EBF1: variants seen among roughly 807,000 people sequenced by gnomAD.
The protein encoded by EBF1 is EBF transcription factor 1, also known as transcription factor COE1.
A neutral mutation model predicts 68.4 loss-of-function variants in EBF1; 10 were observed. The observed-to-expected ratio is 0.15, with a 90% CI of 0.09 to 0.25. The LOEUF is 0.25. EBF1 is among the 10% of genes least tolerant of loss of function. The probability of loss-of-function intolerance (pLI) is 1.00; values close to 1 mark genes in which losing one functional copy is unlikely to be tolerated. For synonymous variants in EBF1, 298 were observed against 299.8 expected (o/e 0.99, Z 0.06); for missense variants, 509 against 794.4 (o/e 0.64, Z 4.32).
Position 158,947,236 on chromosome 5 carries a change from GA to G in EBF1, c.555-107127del, listed in dbSNP as rs1412999746. The stretch of plus-strand genomic sequence containing the variant: ...GCATTCCAGGCGCCACCAGGGTATG[GA>G]AAAAAAAAAAACTCCTGCAGCTAGC... On this transcript the variant is annotated intron_variant, in intron 6 of 15. Transcript: ENST00000313708. Among the ~76,000 whole-genome samples, 141 of 144,284 alleles carry G rather than the reference GA, an allele frequency of 9.8e-4. 1 individual carries two copies. Among genetic ancestry groups the G allele is most frequent in the African/African-American group, 2.8e-3 (112 of 39,652 alleles). The allele number at this position is 144,284 out of a possible 152,430, so 94.7% of individuals were successfully genotyped here. A position where few individuals can be genotyped will look rare whatever the true frequency, so the allele number is the denominator to read the frequency against.
intron 6 of EBF1, among the ~76,000 whole-genome samples, chr5:158,884,361 T>C (rs1799574997): frequency 6.6e-6 from 1 of 152,130 alleles, no homozygotes; most frequent in Non-Finnish European, 1.5e-5. Flanking sequence ...GAAATATGAA[T>C]CTAGGGAGTT....
intron 10 of EBF1, among the ~76,000 whole-genome samples, chr5:158,751,316 A>T (rs1768842876): frequency 6.6e-6 from 1 of 152,022 alleles, no homozygotes; most frequent in African/African-American, 2.4e-5. Flanking sequence ...GAATGAATGG[A>T]AGGTAGGACA....
chr5:158,715,740 C>T lies in EBF1; in HGVS notation c.1126-1558G>A, dbSNP rs1338031220. ...TTGCTGTAGTAGTGTCTGACCACAG[C>T]AGTTAATAATTTACTATTGTACGGG... On this transcript the variant is annotated intron_variant, in intron 11 of 15. Coordinates refer to ENST00000313708, the MANE Select transcript of EBF1 (RefSeq NM_024007.5). Among the ~76,000 whole-genome samples the T allele has an allele frequency of 2.0e-5, 3 of 152,188 alleles. No homozygotes were observed. In the East Asian group the frequency reaches 5.8e-4, roughly 29 times the overall value.
At chr5:158,785,349 T>C (rs542920154) in intron 9 of EBF1, among the ~76,000 whole-genome samples, 81 of 152,174 alleles carry the variant, frequency 5.3e-4, no homozygotes, top group Non-Finnish European at 8.5e-4. Context: ...AGCTGAAATA[T>C]GAAAAGTATA....
At chr5:158,987,573 A>T (rs1759346851) in intron 6 of EBF1, among the ~76,000 whole-genome samples, 1 of 152,280 alleles carries the variant, frequency 6.6e-6, no homozygotes, top group Non-Finnish European at 1.5e-5. Flanking sequence ...GGATGTCCAA[A>T]TTCACACAGA....
chr5:158,988,976 C>T (rs1351344751), intron 6 of EBF1, among the ~76,000 whole-genome samples: 1 of 152,206 alleles, frequency 6.6e-6, no homozygotes, highest in African/African-American at 2.4e-5. Context: ...CCTTTGGCAG[C>T]CACTGGTCTT....
chr5:158,974,260 A>C (rs961211169), intron 6 of EBF1, among the ~76,000 whole-genome samples: 5 of 152,180 alleles, frequency 3.3e-5, no homozygotes, highest in African/African-American at 1.2e-4. Flanking sequence ...CTTTTTAAAA[A>C]CTTCAGGCTT....
At chr5:158,765,910 G>A (rs143382290) in intron 10 of EBF1, among the ~76,000 whole-genome samples, 77 of 152,286 alleles carry the variant, frequency 5.1e-4, no homozygotes, top group Non-Finnish European at 9.0e-4. Context: ...TGAGGACCCA[G>A]CAACGGGAAA....
At chr5:158,724,688 C>A (rs1762629733) in intron 11 of EBF1, among the ~76,000 whole-genome samples, 1 of 152,140 alleles carries the variant, frequency 6.6e-6, no homozygotes, top group Admixed American at 6.5e-5. Flanking sequence ...GTGCCTGTGA[C>A]TGGAGTCTGA....
At position 158,746,088 on chromosome 5, in the gene EBF1, G is replaced by C. The variant is rs369489188; in HGVS notation, c.1037-14931C>G. Among the ~76,000 whole-genome samples the C allele has an allele frequency of 1.2e-3, 188 of 152,298 alleles. 1 individual carries two copies. The highest frequency in any genetic ancestry group is 4.3e-3 in the African/African-American group (179 of 41,570). On this transcript the variant is annotated intron_variant, in intron 10 of 15. Coordinates refer to ENST00000313708, the MANE Select transcript of EBF1 (RefSeq NM_024007.5). ...TTGGGTTATTTCCAGCTTGGGGGAA[G>C]ACTCGTGGTTAATATTTCTGTTTAG...
At chr5:158,977,628 T>G (rs1188806798) in intron 6 of EBF1, among the ~76,000 whole-genome samples, 4 of 152,224 alleles carry the variant, frequency 2.6e-5, no homozygotes, top group African/African-American at 9.6e-5. Context: ...TACCATGGGA[T>G]ATGCACTATT....
chr5:158,869,362 G>C (rs1211758011), intron 6 of EBF1, among the ~76,000 whole-genome samples: 1 of 152,106 alleles, frequency 6.6e-6, no homozygotes, highest in Admixed American at 6.5e-5. Flanking sequence ...GATACCCTGA[G>C]AGAATACACC....
chr5:158,784,329 T>A (rs1278797433), intron 9 of EBF1, among the ~76,000 whole-genome samples: 2 of 152,204 alleles, frequency 1.3e-5, no homozygotes, highest in African/African-American at 4.8e-5. Flanking sequence ...TGACTGTTCA[T>A]TGTTTTTCCA....
chr5:159,059,267 C>T (rs1775353507), intron 6 of EBF1, among the ~76,000 whole-genome samples: 1 of 151,910 alleles, frequency 6.6e-6, no homozygotes, highest in Admixed American at 6.6e-5. Flanking sequence ...CAGGATAGAT[C>T]AAGGAATTGG....
chr5:158,927,972 C>T (rs1299763313), intron 6 of EBF1, among the ~76,000 whole-genome samples: 8 of 152,298 alleles, frequency 5.3e-5, no homozygotes, highest in South Asian at 2.1e-4. Flanking sequence ...GGCAGCCTGC[C>T]TAAAACCTAT....
At chr5:158,794,635 A>G (rs1041992956) in intron 9 of EBF1, among the ~76,000 whole-genome samples, 3 of 152,182 alleles carry the variant, frequency 2.0e-5, no homozygotes, top group African/African-American at 4.8e-5. Context: ...TTTGACTACA[A>G]TGACATGAAA....
intron 6 of EBF1, among the ~76,000 whole-genome samples, chr5:158,948,460 A>G (rs1047482751): frequency 2.0e-5 from 3 of 152,240 alleles, no homozygotes; most frequent in East Asian, 1.9e-4. Flanking sequence ...TTTCAAAAAC[A>G]TAAGTCTGAG....
intron 8 of EBF1, among the ~76,000 whole-genome samples, chr5:158,805,045 CA>C (rs1450996209): frequency 6.6e-6 from 1 of 151,954 alleles, no homozygotes; most frequent in South Asian, 2.1e-4. Flanking sequence ...CTTTTATGCA[CA>C]AAATTATTTT....
chr5:158,801,443 C>A (rs1393366820), intron 8 of EBF1, among the ~76,000 whole-genome samples: 2 of 152,048 alleles, frequency 1.3e-5, no homozygotes, highest in East Asian at 3.9e-4. Flanking sequence ...CACATTTTAG[C>A]GTTTGTATGA....
Sources: allele counts gnomAD v4.1 joint callset (sites outside exome capture counted in the v4.1 genomes callset), GRCh38; gene constraint gnomAD v4.1.1; transcripts MANE v1.5; gene names NCBI Gene and HGNC (gene_info 2026-07-23, HGNC 2026-07-21).